ARFGEF2: variants seen among roughly 807,000 people sequenced by gnomAD.
ARFGEF2 encodes brefeldin A-inhibited guanine nucleotide-exchange protein 2.
In ARFGEF2, 74 loss-of-function variants were observed where a neutral mutation model predicts 219.9. The observed-to-expected ratio is 0.34, with a 90% CI of 0.28 to 0.41. The LOEUF is 0.41. Among genes scored for constraint, ARFGEF2 ranks in the 10% least tolerant of loss-of-function variants. ARFGEF2 has a pLI of 1.00. For synonymous variants in ARFGEF2, 733 were observed against 799.2 expected (o/e 0.92, Z 1.40); for missense variants, 1,743 against 2,218.3 (o/e 0.79, Z 4.30).
intron 1 of ARFGEF2, among the ~76,000 whole-genome samples, chr20:48,928,031 G>T (rs2123269511): frequency 6.6e-6 from 1 of 152,246 alleles, no homozygotes; most frequent in Admixed American, 6.5e-5. Flanking sequence ...ATAGTCCAGT[G>T]ATCCCTCTTT....
intron 1 of ARFGEF2, among the ~76,000 whole-genome samples, chr20:48,928,681 A>C (rs2123272113): frequency 6.7e-6 from 1 of 149,232 alleles, no homozygotes; most frequent in Admixed American, 6.8e-5. Context: ...TTTTTAGTAG[A>C]GACGGGGTTT....
chr20:48,969,330 T>C, intron 9 of ARFGEF2, 53 bp downstream of exon 9: 3 of 1,613,414 alleles, frequency 1.9e-6, no homozygotes, highest in South Asian at 1.1e-5. Flanking sequence ...CAGCAGCACA[T>C]GGTACTGTGT....
In ARFGEF2 at chr20:49,025,369, G is replaced by A. The variant is rs142036030; in HGVS notation, c.4812G>A (p.Lys1604=). ...AGACGGAGGATCAGGGCATGTATAA[G>A]TACATGTCTTCCCAGCACCTCTTCA... ...HIETEDQGMY[K]YMSSQHLFKL... is the part of the protein sequence containing the mutation. The change falls in exon 36 of 39, where the codon AAG becomes AAA. Residue 1604 remains lysine, a synonymous_variant. Transcript: ENST00000371917. 403 of 1,613,888 alleles carry A rather than the reference G, an allele frequency of 2.5e-4. No homozygotes were observed. The highest frequency in any genetic ancestry group is 3.2e-4 in the Non-Finnish European group (375 of 1,179,930).
At chr20:49,007,979 C>G (rs894162249) in intron 26 of ARFGEF2, among the ~76,000 whole-genome samples, 19 of 151,948 alleles carry the variant, frequency 1.3e-4, no homozygotes, top group Non-Finnish European at 2.5e-4. Context: ...AGTTTAGAAT[C>G]ACATGTTGCC....
chr20:48,979,149 G>A (rs986158233), intron 14 of ARFGEF2, among the ~76,000 whole-genome samples: 15 of 152,012 alleles, frequency 9.9e-5, no homozygotes, highest in South Asian at 2.1e-4. Context: ...GATATGTTCC[G>A]TCAGTACCTA....
At chr20:49,018,165 A>T (rs774940009) in intron 33 of ARFGEF2, among the ~76,000 whole-genome samples, 10 of 152,168 alleles carry the variant, frequency 6.6e-5, no homozygotes, top group Non-Finnish European at 1.2e-4. Context: ...TGACTCTAAG[A>T]CCATTAGATT....
chr20:49,000,223 T>C (rs2091417378), intron 25 of ARFGEF2, among the ~76,000 whole-genome samples: 1 of 152,224 alleles, frequency 6.6e-6, no homozygotes, highest in African/African-American at 2.4e-5. Context: ...CTAATGAAAG[T>C]TCCTTGTTTT....
intron 1 of ARFGEF2, among the ~76,000 whole-genome samples, chr20:48,935,317 A>C (rs1487036008): frequency 6.6e-6 from 1 of 152,160 alleles, no homozygotes; most frequent in Non-Finnish European, 1.5e-5. Context: ...GCTGCCTTCA[A>C]GCATCTGTTT....
intron 35 of ARFGEF2, 106 bp from the exon 36 acceptor site, chr20:49,025,207 A>G (rs905176480): frequency 8.7e-7 from 1 of 1,152,514 alleles, no homozygotes. Flanking sequence ...TGTCTTATAG[A>G]CAGGGATGAC....
Position 48,947,742 on chromosome 20 carries a change from A to C in ARFGEF2, c.277-3581A>C, listed in dbSNP as rs191414196. On this transcript the variant is annotated intron_variant, in intron 3 of 38. Transcript: ENST00000371917. ...ATAGTGGCATGCGCCTGTGGTTCCA[A>C]CTACTCAGGAGGCTGAGGTGGGAGG... is the stretch of plus-strand genomic sequence containing the variant. 9.9e-5 allele frequency among the ~76,000 whole-genome samples: 15 copies of C among 151,930 alleles called. No individual in the cohort carries two copies. The East Asian group carries it at 2.9e-3, about 30-fold the overall frequency.
intron 1 of ARFGEF2, among the ~76,000 whole-genome samples, chr20:48,924,195 G>C (rs748892897): frequency 6.6e-6 from 1 of 152,162 alleles, no homozygotes; most frequent in Non-Finnish European, 1.5e-5. Context: ...CCAGTCTTGT[G>C]TCCAGTAGTC....
At position 48,941,969 on chromosome 20, in the gene ARFGEF2, A is replaced by T; in HGVS notation, c.258A>T (p.Thr86=). The T allele has an allele frequency of 6.2e-7, 1 of 1,614,148 alleles. No individual in the cohort carries two copies. The highest frequency in any genetic ancestry group is 8.5e-7 in the Non-Finnish European group (1 of 1,180,014). The change falls in exon 3 of 39, where the codon ACA becomes ACT. Residue 86 remains threonine, a synonymous_variant. Transcript: ENST00000371917. ...CQSKSPRVVS[T]SLDCLQKLIA... ...CCAAGTCCCCAAGGGTAGTCAGCAC[A>T]TCCCTTGACTGCTTGCAGGTACCAT...
At chr20:48,928,648 C>T (rs1366626557) in intron 1 of ARFGEF2, among the ~76,000 whole-genome samples, 1 of 149,958 alleles carries the variant, frequency 6.7e-6, no homozygotes, top group Non-Finnish European at 1.5e-5. Flanking sequence ...GCGCCCGCCA[C>T]CACACCCAGC....
In ARFGEF2 at chr20:48,961,796, G is replaced by A. The variant is rs184740442; in HGVS notation, c.839-2034G>A. On this transcript the variant is annotated intron_variant, in intron 6 of 38. Coordinates refer to ENST00000371917, the MANE Select transcript of ARFGEF2 (RefSeq NM_006420.3). ...GGAGAATTGCTTGAACCTGGGAGGC[G>A]GAGGTTGCAGTGAGCCAAGATCGTG... is the stretch of plus-strand genomic sequence containing the variant. Among the ~76,000 whole-genome samples, 1,167 of 151,564 alleles carry A rather than the reference G, an allele frequency of 7.7e-3. 9 individuals are homozygous for A. The highest frequency in any genetic ancestry group is 0.012 in the Non-Finnish European group (843 of 67,868).
Position 49,012,052 on chromosome 20 carries a change from T to A in ARFGEF2, c.3886T>A (p.Phe1296Ile). 6.2e-7 allele frequency: 1 copy of A among 1,614,140 alleles called. No homozygotes were observed. The highest frequency in any genetic ancestry group is 1.3e-5 in the African/African-American group (1 of 75,052). Reference sequence around the variant, plus strand: ...CATGGAAGCGATTCGGCTCATCCGCTTCTGTGGCAAATACGTCTCTGAGAG... The same window carrying A: ...CATGGAAGCGATTCGGCTCATCCGCATCTGTGGCAAATACGTCTCTGAGAG... ...TSMEAIRLIRFCGKYVSERPR... is the reference protein window; with the variant it reads ...TSMEAIRLIRICGKYVSERPR... The change falls in exon 28 of 39, where the codon TTC (phenylalanine) becomes ATC (isoleucine). Residue 1296 changes from phenylalanine (F) to isoleucine (I), a missense_variant. This residue lies in a region of ARFGEF2 where 578 missense variants were observed against 664.0 expected (regional missense o/e 0.87). Transcript: ENST00000371917.
chr20:48,966,211 G>A (rs1249003732), intron 8 of ARFGEF2, among the ~76,000 whole-genome samples, 188 bp downstream of exon 8: 1 of 152,106 alleles, frequency 6.6e-6, no homozygotes, highest in Non-Finnish European at 1.5e-5. Context: ...ATGTTGCTTG[G>A]TATATAACAT....
chr20:49,021,566 G>A (rs1408494215), intron 34 of ARFGEF2, among the ~76,000 whole-genome samples: 1 of 152,040 alleles, frequency 6.6e-6, no homozygotes, highest in Non-Finnish European at 1.5e-5. Flanking sequence ...GAATTGTTGG[G>A]GCCGGGCGCG....
Position 48,950,810 on chromosome 20 carries a change from AAATATATATATATAT to A in ARFGEF2, c.277-511_277-497del, listed in dbSNP as rs1430014284. ...GACCCTGTCTAAAAAAAAAAAAAAA[AAATATATATATATAT>A]ATATATATATATATATATATATGTA... On this transcript the variant is annotated intron_variant, in intron 3 of 38. Transcript: ENST00000371917. 7.8e-4 allele frequency among the ~76,000 whole-genome samples: 32 copies of A among 41,108 alleles called. 1 individual carries two copies. Among genetic ancestry groups the A allele is most frequent in the African/African-American group, 4.7e-3 (32 of 6,770 alleles). The allele number at this position is 41,108 out of a possible 152,430, so 27.0% of individuals were successfully genotyped here. A position where few individuals can be genotyped will look rare whatever the true frequency, so the allele number is the denominator to read the frequency against.
At chr20:49,029,736 C>T (rs781469848) in intron 37 of ARFGEF2, among the ~76,000 whole-genome samples, 5 of 151,636 alleles carry the variant, frequency 3.3e-5, no homozygotes, top group African/African-American at 1.2e-4. Context: ...GGATTACAGG[C>T]GCGTGCCACC....
Sources: gnomAD v4.1 joint callset for allele counts (sites outside exome capture counted in the v4.1 genomes callset) on GRCh38, gnomAD v4.1.1 for gene constraint, gnomAD v4.1.1 regional missense constraint, MANE v1.5 for transcripts, NCBI Gene and HGNC (gene_info 2026-07-23, HGNC 2026-07-21) for gene names.